CXCL16: variants seen among roughly 807,000 people sequenced by gnomAD.
CXCL16 encodes C-X-C motif chemokine ligand 16, also known as C-X-C motif chemokine 16.
CXCL16 carries 18 observed loss-of-function variants against 23.8 expected under a neutral mutation model. The ratio of observed to expected loss-of-function variants is 0.76; its 90% confidence interval spans 0.52 to 1.12. The LOEUF (loss-of-function observed/expected upper bound fraction) is 1.12. Ranked by LOEUF, CXCL16 falls within the 50% of genes most tolerant of loss-of-function variation. CXCL16 has a pLI of 0.00. For missense variants in CXCL16, 297 were observed against 315.4 expected (o/e 0.94, Z 0.44); for synonymous variants, 123 against 132.5 (o/e 0.93, Z 0.49).
In CXCL16 at chr17:4,733,967, T is replaced by C. The variant is rs535163419; in HGVS notation, c.*536A>G. The C allele has an allele frequency of 5.9e-5, 9 of 153,170 alleles. No individual in the cohort carries two copies. The South Asian group carries it at 1.7e-3, about 30-fold the overall frequency. The allele number at this position is 153,170 out of a possible 1,614,324, so 9.5% of individuals were successfully genotyped here. A position where few individuals can be genotyped will look rare whatever the true frequency, so the allele number is the denominator to read the frequency against. ...GCTCACACCTTTAATCCCAGCACTTTGGGAGGCCTGGGTGGGCAGATCACC... is the reference window on the plus strand; with the variant it reads ...GCTCACACCTTTAATCCCAGCACTTCGGGAGGCCTGGGTGGGCAGATCACC... On this transcript the variant is annotated 3_prime_UTR_variant, in exon 6 of 6. Coordinates refer to ENST00000293778, the MANE Select transcript of CXCL16 (RefSeq NM_001386809.1).
chr17:4,736,562 C>G (rs1322434819), intron 3 of CXCL16, among the ~76,000 whole-genome samples: 1 of 152,034 alleles, frequency 6.6e-6, no homozygotes, highest in African/African-American at 2.4e-5. Context: ...ACCCCTTGTC[C>G]CTAACCTCTC....
In CXCL16 at chr17:4,738,493, G is replaced by A. The variant is rs1438230016; in HGVS notation, c.219-3C>T. 1 of 1,610,384 alleles carries A rather than the reference G, an allele frequency of 6.2e-7. No individual in the cohort carries two copies. Among genetic ancestry groups the A allele is most frequent in the Non-Finnish European group, 8.5e-7 (1 of 1,176,730 alleles). ...CGCTCCAGGAAAGGAGCTGGAACCT[G>A]CGGAGGAGAGACCTGGGCTTAGCTG... On this transcript the variant is annotated splice_region_variant and splice_polypyrimidine_tract_variant and intron_variant, in intron 2 of 5. Transcript: ENST00000293778. This position sits in a 1 kb window ranked among gnomAD's most constrained non-coding sequence, Gnocchi z 4.0.
Position 4,735,241 on chromosome 17 carries a change from T to G in CXCL16, c.569A>C (p.Lys190Thr). ...GGGACCAGCATTTTTTTCCGGCTGCTTCTGGTTCTCCCCAGCCTCAGGCCC... is the reference window on the plus strand; with the variant it reads ...GGGACCAGCATTTTTTTCCGGCTGCGTCTGGTTCTCCCCAGCCTCAGGCCC... ...AAGPEAGENQKQPEKNAGPTA... is the reference protein window; with the variant it reads ...AAGPEAGENQTQPEKNAGPTA... The change falls in exon 4 of 6, where the codon AAG (lysine) becomes ACG (threonine). Residue 190 changes from lysine to threonine, a missense_variant. Physicochemically the swap from Lys to Thr is moderately conservative, Grantham distance 78 (BLOSUM62 -1). Coordinates refer to ENST00000293778, the MANE Select transcript of CXCL16 (RefSeq NM_001386809.1). 1 of 1,614,140 alleles carries G rather than the reference T, an allele frequency of 6.2e-7. No individual in the cohort carries two copies. The highest frequency in any genetic ancestry group is 1.1e-5 in the South Asian group (1 of 91,074).
chr17:4,735,402 G>A lies in CXCL16; in HGVS notation c.408C>T (p.Thr136=). Residue 136 remains threonine (T), a synonymous_variant, in exon 4 of 6, where the codon ACC becomes ACT. Transcript: ENST00000293778. ...ASEGASSDIH[T]PAQMLLSTLQ... The stretch of plus-strand genomic sequence containing the variant: ...AGGTGGACAGGAGCATCTGGGCAGG[G>A]GTGTGGATATCTGAAGATGCCCCCT... 2 of 1,552,280 alleles carry A rather than the reference G, an allele frequency of 1.3e-6. No homozygotes were observed. The highest frequency in any genetic ancestry group is 1.7e-6 in the Non-Finnish European group (2 of 1,143,838).
chr17:4,736,490 A>C (rs987451532), intron 3 of CXCL16: 2 of 152,232 alleles, frequency 1.3e-5, no homozygotes, highest in Non-Finnish European at 2.9e-5. Context: ...TCAGAAGACC[A>C]GGGTTGGATT....
In CXCL16 at chr17:4,739,530, GGCCCGCGCCAT is replaced by G; in HGVS notation, c.-202_-192del. 3.7e-6 allele frequency: 3 copies of G among 821,908 alleles called. No individual in the cohort carries two copies. The South Asian group carries it at 5.2e-5, about 14-fold the overall frequency. 50.9% of individuals were successfully genotyped at this position (821,908 alleles called of 1,614,324 possible). On this transcript the variant is annotated 5_prime_UTR_variant, in exon 1 of 6. An upstream start codon of the reference 5' UTR is lost. Transcript: ENST00000293778. This position sits in a 1 kb window ranked among gnomAD's most constrained non-coding sequence, Gnocchi z 5.3. ...TGCCCCGACCGTGCGCTCAGTACTC[GGCCCGCGCCAT>G]GCCAGCCTCTGGACGCAGGGAAAGC...
chr17:4,739,510 C>G lies in CXCL16; in HGVS notation c.-171G>C. On this transcript the variant is annotated 5_prime_UTR_variant, in exon 1 of 6. Coordinates refer to ENST00000293778, the MANE Select transcript of CXCL16 (RefSeq NM_001386809.1). This position sits in a 1 kb window ranked among gnomAD's most constrained non-coding sequence, Gnocchi z 5.3. ...TGCACCCCCCGGCCCTGCTGTGCCC[C>G]GACCGTGCGCTCAGTACTCGGCCCG... 1.0e-6 allele frequency: 1 copy of G among 979,410 alleles called. No individual in the cohort carries two copies. The highest frequency in any genetic ancestry group is 1.5e-6 in the Non-Finnish European group (1 of 666,372). 60.7% of individuals were successfully genotyped at this position (979,410 alleles called of 1,614,324 possible). A position where few individuals can be genotyped will look rare whatever the true frequency, so the allele number is the denominator to read the frequency against.
chr17:4,734,638 A>G lies in CXCL16; in HGVS notation c.733T>C (p.Tyr245His). Residue 245 changes from tyrosine to histidine, a missense_variant, in exon 5 of 6, where the codon TAT becomes CAT. By Grantham distance (83) the Tyr-to-His change is moderately conservative. Transcript: ENST00000293778. ...TTAGAGTCAGGTGCCACAGGTATAT[A>G]ATGAACCGGCAGATCTGGAAAGGAT... is the stretch of plus-strand genomic sequence containing the variant. ...PQSSPDLPVHYIPVAPDSNT is the reference protein window; with the variant it reads ...PQSSPDLPVHHIPVAPDSNT 1 of 1,612,028 alleles carries G rather than the reference A, an allele frequency of 6.2e-7. No individual in the cohort carries two copies. The highest frequency in any genetic ancestry group is 8.5e-7 in the Non-Finnish European group (1 of 1,178,156).
Position 4,738,194 on chromosome 17 carries a change from C to T in CXCL16, c.301+214G>A, listed in dbSNP as rs962563084. Among the ~76,000 whole-genome samples, 1 of 152,040 alleles carries T rather than the reference C, an allele frequency of 6.6e-6. No homozygotes were observed. The highest frequency in any genetic ancestry group is 1.5e-5 in the Non-Finnish European group (1 of 68,012). On this transcript the variant is annotated intron_variant, in intron 3 of 5. Coordinates refer to ENST00000293778, the MANE Select transcript of CXCL16 (RefSeq NM_001386809.1). The surrounding 1 kb of genome is among the most constrained non-coding windows in gnomAD (Gnocchi z 4.0). Reference sequence around the variant, plus strand: ...ATATTAATAAGTAGACAATAGCACACGTGGTAGAATGAATTGGCAAAACTC... The same window carrying T: ...ATATTAATAAGTAGACAATAGCACATGTGGTAGAATGAATTGGCAAAACTC...
In CXCL16 at chr17:4,738,491, C is replaced by T. The variant is rs1239736234; in HGVS notation, c.219-1G>A. The T allele has an allele frequency of 6.2e-6, 10 of 1,612,068 alleles. No homozygotes were observed. Among genetic ancestry groups the T allele is most frequent in the Non-Finnish European group, 8.5e-6 (10 of 1,178,258 alleles). On this transcript the variant is annotated splice_acceptor_variant, in intron 2 of 5. Transcript: ENST00000293778. LOFTEE classifies it high-confidence loss of function. The surrounding 1 kb of genome is among the most constrained non-coding windows in gnomAD (Gnocchi z 4.0). ...CACGCTCCAGGAAAGGAGCTGGAACCTGCGGAGGAGAGACCTGGGCTTAGC... is the reference window on the plus strand; with the variant it reads ...CACGCTCCAGGAAAGGAGCTGGAACTTGCGGAGGAGAGACCTGGGCTTAGC...
Position 4,733,622 on chromosome 17 carries a change from C to T in CXCL16, c.*881G>A, listed in dbSNP as rs963360000. ...AACAATAAAAACAAGATCAGACTCT[C>T]ACTGGGGTAGGCAAGGGACTGAGGA... is the stretch of plus-strand genomic sequence containing the variant. On this transcript the variant is annotated 3_prime_UTR_variant, in exon 6 of 6. Coordinates refer to ENST00000293778, the MANE Select transcript of CXCL16 (RefSeq NM_001386809.1). The T allele has an allele frequency of 1.8e-5, 3 of 162,744 alleles. No individual in the cohort carries two copies. The highest frequency in any genetic ancestry group is 2.7e-5 in the Non-Finnish European group (2 of 73,638). The allele number at this position is 162,744 out of a possible 1,614,324, so 10.1% of individuals were successfully genotyped here.
Position 4,739,860 on chromosome 17 carries a change from G to GTCTCT in CXCL16, c.-522_-521insAGAGA, listed in dbSNP as rs1916300017. ...CCGCGCTGCATGAGCCTCCCGGGCGGCCCGGTGGAGAGAGTCGCCGCCAGC... is the reference window on the plus strand; with the variant it reads ...CCGCGCTGCATGAGCCTCCCGGGCGGTCTCTCCCGGTGGAGAGAGTCGCCGCCAGC... On this transcript the variant is annotated 5_prime_UTR_variant, in exon 1 of 6. Coordinates refer to ENST00000293778, the MANE Select transcript of CXCL16 (RefSeq NM_001386809.1). This position sits in a 1 kb window ranked among gnomAD's most constrained non-coding sequence, Gnocchi z 5.3. 2 of 986,604 alleles carry GTCTCT rather than the reference G, an allele frequency of 2.0e-6. No homozygotes were observed. Among genetic ancestry groups the GTCTCT allele is most frequent in the South Asian group, 4.6e-5 (1 of 21,520 alleles). The allele number at this position is 986,604 out of a possible 1,614,324, so 61.1% of individuals were successfully genotyped here. A position where few individuals can be genotyped will look rare whatever the true frequency, so the allele number is the denominator to read the frequency against.
chr17:4,735,796 G>A (rs1347831847), intron 3 of CXCL16, among the ~76,000 whole-genome samples: 1 of 152,106 alleles, frequency 6.6e-6, no homozygotes, highest in Non-Finnish European at 1.5e-5. Flanking sequence ...TGGATTGGCC[G>A]GGCGCGGTGG....
In CXCL16 at chr17:4,735,423, C is replaced by A; in HGVS notation, c.387G>T (p.Gly129=). Residue 129 remains glycine (G), a synonymous_variant, in exon 4 of 6, where the codon GGG becomes GGT. Coordinates refer to ENST00000293778, the MANE Select transcript of CXCL16 (RefSeq NM_001386809.1). ...CAGGGGTGTGGATATCTGAAGATGC[C>A]CCCTCTGAGGCCTGAGAAATTGGGG... The part of the protein sequence containing the change: ...TSPPISQASE[G]ASSDIHTPAQ... 1 of 1,534,758 alleles carries A rather than the reference C, an allele frequency of 6.5e-7. No homozygotes were observed. Among genetic ancestry groups the A allele is most frequent in the South Asian group, 1.3e-5 (1 of 79,492 alleles).
chr17:4,737,324 T>A (rs1178484278), intron 3 of CXCL16, among the ~76,000 whole-genome samples: 1 of 146,862 alleles, frequency 6.8e-6, no homozygotes, highest in East Asian at 1.9e-4. Context: ...ACACCTGTAA[T>A]CCCAGCACTT....
At position 4,737,856 on chromosome 17, in the gene CXCL16, G is replaced by T. The variant is rs550981400; in HGVS notation, c.301+552C>A. ...ATATTGGAAAAGAAAAATAGGCCAG[G>T]TGTGGTGGCTCACGCCTGTAATCCT... On this transcript the variant is annotated intron_variant, in intron 3 of 5. Transcript: ENST00000293778. Among the ~76,000 whole-genome samples, 7 of 151,362 alleles carry T rather than the reference G, an allele frequency of 4.6e-5. No homozygotes were observed. The East Asian group carries it at 1.4e-3, about 29-fold the overall frequency.
At position 4,739,767 on chromosome 17, in the gene CXCL16, C is replaced by T. The variant is rs1384194956; in HGVS notation, c.-428G>A. ...CGTCCGCCGACCTGTGAGGCGGCTG[C>T]ACTGCCGGACCGGCCCTCCTCCTCC... On this transcript the variant is annotated 5_prime_UTR_variant, in exon 1 of 6. Transcript: ENST00000293778. The surrounding 1 kb of genome is among the most constrained non-coding windows in gnomAD (Gnocchi z 5.3). The T allele has an allele frequency of 9.5e-7, 1 of 1,052,674 alleles. No individual in the cohort carries two copies. The highest frequency in any genetic ancestry group is 1.2e-6 in the Non-Finnish European group (1 of 868,588). 65.2% of individuals were successfully genotyped at this position (1,052,674 alleles called of 1,614,324 possible). A position where few individuals can be genotyped will look rare whatever the true frequency, so the allele number is the denominator to read the frequency against.
In CXCL16 at chr17:4,739,353, G is replaced by A. The variant is rs1192228425; in HGVS notation, c.-14C>T. The A allele has an allele frequency of 2.5e-6, 4 of 1,612,950 alleles. No individual in the cohort carries two copies. Among genetic ancestry groups the A allele is most frequent in the South Asian group, 2.2e-5 (2 of 91,018 alleles). On this transcript the variant is annotated 5_prime_UTR_variant, in exon 1 of 6. Transcript: ENST00000293778. This position sits in a 1 kb window ranked among gnomAD's most constrained non-coding sequence, Gnocchi z 5.3. ...GTCCCGTCCCATCTCGGGGCTCCGC[G>A]GACTCTGCGGGGATGGAGCCACCTC...
At chr17:4,734,970 G>A in intron 4 of CXCL16, 122 bp downstream of exon 4, 1 of 964,462 alleles carries the variant, frequency 1.0e-6, no homozygotes, top group East Asian at 2.5e-5. Context: ...TCAACCTTGT[G>A]CAGACAACCT....
Sources: gnomAD v4.1 joint callset for allele counts (sites outside exome capture counted in the v4.1 genomes callset) on GRCh38, gnomAD v4.1.1 for gene constraint, Gnocchi (gnomAD v3.1) non-coding constraint, MANE v1.5 for transcripts, NCBI Gene and HGNC (gene_info 2026-07-23, HGNC 2026-07-21) for gene names.